The following BRWD3 variants were observed in gnomAD, a reference collection of about 807,000 sequenced individuals.
BRWD3 encodes bromodomain and WD repeat domain containing 3.
A neutral mutation model predicts 149.7 loss-of-function variants in BRWD3; 10 were observed. The ratio of observed to expected loss-of-function variants is 0.07; its 90% confidence interval spans 0.04 to 0.11. The LOEUF is 0.11. BRWD3 is among the 10% of genes least tolerant of loss of function. The probability of loss-of-function intolerance (pLI) is 1.00; values close to 1 mark genes in which losing one functional copy is unlikely to be tolerated. For missense variants in BRWD3, 940 were observed against 1,373.2 expected (o/e 0.68, Z 4.99); for synonymous variants, 504 against 456.7 (o/e 1.10, Z -1.32).
intron 8 of BRWD3, among the ~76,000 whole-genome samples, chrX:80,740,788 G>A (rs1245113381): frequency 1.8e-5 from 2 of 111,188 alleles, no homozygotes; most frequent in African/African-American, 6.5e-5. Flanking sequence ...CTGAAACTAA[G>A]AATAAAAATG....
intron 6 of BRWD3, among the ~76,000 whole-genome samples, chrX:80,761,288 G>T (rs1165921463): frequency 8.9e-6 from 1 of 111,745 alleles, no homozygotes; most frequent in Non-Finnish European, 1.9e-5. Context: ...TCAGTAATAA[G>T]AAATAAAAGG....
At chrX:80,772,523 G>A (rs139550242) in intron 6 of BRWD3, among the ~76,000 whole-genome samples, 3,947 of 110,460 alleles carry the variant, frequency 0.036, 84 homozygotes, top group Non-Finnish European at 0.059. Flanking sequence ...TGTAAATGAC[G>A]AGTTTATGGG....
In BRWD3 at chrX:80,716,087, C is replaced by T. The variant is rs935324248; in HGVS notation, c.2325+70G>A. 38 of 887,336 alleles carry T rather than the reference C, an allele frequency of 4.3e-5. No individual in the cohort carries two copies. In the South Asian group the frequency reaches 5.8e-4, roughly 14 times the overall value. The allele number at this position is 887,336 out of a possible 1,213,427, so 73.1% of individuals were successfully genotyped here. ...TAGTCTCTTAACACACAACTGCTGC[C>T]TCTCAAAAGCCTATTATCTACAAAT... is the stretch of plus-strand genomic sequence containing the variant. On this transcript the variant is annotated intron_variant, in intron 20 of 40. Coordinates refer to ENST00000373275, the MANE Select transcript of BRWD3 (RefSeq NM_153252.5).
chrX:80,741,397 T>C (rs1452732302), intron 8 of BRWD3, among the ~76,000 whole-genome samples: 2 of 111,792 alleles, frequency 1.8e-5, no homozygotes. Flanking sequence ...TAGAGCAGCA[T>C]GATTTATAAT....
intron 6 of BRWD3, among the ~76,000 whole-genome samples, chrX:80,790,319 C>T (rs2074167383): frequency 9.1e-6 from 1 of 110,461 alleles, no homozygotes; most frequent in Non-Finnish European, 1.9e-5. Context: ...GAGAAAACTG[C>T]CTCAAATCAC....
chrX:80,722,867 C>T, intron 16 of BRWD3, 80 bp from the exon 17 acceptor site: 2 of 882,907 alleles, frequency 2.3e-6, no homozygotes, highest in Non-Finnish European at 3.3e-6. Flanking sequence ...TGAGCACACT[C>T]ATTTTTTAAA....
intron 6 of BRWD3, among the ~76,000 whole-genome samples, chrX:80,763,070 C>T (rs1239943644): frequency 1.8e-5 from 2 of 111,537 alleles, no homozygotes; most frequent in Non-Finnish European, 3.8e-5. Context: ...TTTTTTAAAT[C>T]CCCTTTTAAA....
intron 6 of BRWD3, among the ~76,000 whole-genome samples, chrX:80,773,192 AC>A (rs919243689): frequency 3.6e-5 from 4 of 111,597 alleles, no homozygotes; most frequent in Non-Finnish European, 5.6e-5. Context: ...CTAAAAGTGT[AC>A]AGAACTTAGC....
intron 26 of BRWD3, 97 bp downstream of exon 26, chrX:80,696,642 T>A: frequency 1.0e-6 from 1 of 969,969 alleles, no homozygotes; most frequent in Non-Finnish European, 1.5e-6. Context: ...TAAAGAATGC[T>A]ATAGTGTTTT....
intron 6 of BRWD3, among the ~76,000 whole-genome samples, chrX:80,768,338 G>C (rs375161842): frequency 1.8e-5 from 2 of 111,182 alleles, no homozygotes; most frequent in Non-Finnish European, 3.8e-5. Context: ...GAGAAAGGTC[G>C]AGTTACCCAC....
intron 19 of BRWD3, 43 bp downstream of exon 19, chrX:80,717,530 T>C: frequency 8.8e-7 from 1 of 1,136,039 alleles, no homozygotes. Context: ...TTCCTAAGAA[T>C]AAAGCTTTAA....
At chrX:80,773,112 A>G (rs181441639) in intron 6 of BRWD3, among the ~76,000 whole-genome samples, 1 of 112,400 alleles carries the variant, frequency 8.9e-6, no homozygotes, top group Admixed American at 9.5e-5. Flanking sequence ...TGGTTATAAA[A>G]GAGTAACATG....
chrX:80,799,615 G>A (rs1390103376), intron 4 of BRWD3, among the ~76,000 whole-genome samples: 1 of 111,833 alleles, frequency 8.9e-6, no homozygotes, highest in Admixed American at 9.6e-5. Context: ...AAACAAAATG[G>A]ATTTTGAAAA....
At chrX:80,726,386 CAT>C (rs749953464) in intron 14 of BRWD3, among the ~76,000 whole-genome samples, 1 of 109,034 alleles carries the variant, frequency 9.2e-6, no homozygotes, top group South Asian at 3.9e-4. Context: ...ATCTGTATAA[CAT>C]AACATGTTTA....
chrX:80,783,624 A>G (rs951773933), intron 6 of BRWD3, among the ~76,000 whole-genome samples: 1 of 111,140 alleles, frequency 9.0e-6, no homozygotes, highest in Non-Finnish European at 1.9e-5. Context: ...CTGCACTCCC[A>G]TGTCTATTGC....
intron 6 of BRWD3, among the ~76,000 whole-genome samples, chrX:80,771,009 C>T (rs1392058069): frequency 1.8e-5 from 2 of 111,384 alleles, no homozygotes; most frequent in East Asian, 2.8e-4. Flanking sequence ...ACAATTGCTA[C>T]AAAGAGAATA....
chrX:80,799,246 A>G (rs1341760667), intron 4 of BRWD3, among the ~76,000 whole-genome samples: 1 of 112,010 alleles, frequency 8.9e-6, no homozygotes, highest in Non-Finnish European at 1.9e-5. Flanking sequence ...TAATTAGTTA[A>G]AAGAAATCCA....
Position 80,681,468 on chromosome X carries a change from A to G in BRWD3, c.4527T>C (p.Tyr1509=). The change falls in exon 40 of 41, where the codon TAT becomes TAC. Residue 1509 remains tyrosine, a synonymous_variant. Coordinates refer to ENST00000373275, the MANE Select transcript of BRWD3 (RefSeq NM_153252.5). The stretch of plus-strand genomic sequence containing the variant: ...GCCCATCTGGCTCATCATCAAGTAG[A>G]TATAGTGAAAGCCCTTCAGCAGCAT... ...VSDAAEGLSL[Y]LLDDEPDGPF... 8.3e-7 allele frequency: 1 copy of G among 1,208,224 alleles called. No homozygotes were observed. Among genetic ancestry groups the G allele is most frequent in the East Asian group, 3.0e-5 (1 of 33,792 alleles).
chrX:80,801,812 C>T, intron 4 of BRWD3, among the ~76,000 whole-genome samples: 1 of 110,349 alleles, frequency 9.1e-6, no homozygotes, highest in African/African-American at 3.3e-5. Flanking sequence ...CAGCCTGGGT[C>T]ACAGAGCAAA....
Sources: allele counts gnomAD v4.1 joint callset (sites outside exome capture counted in the v4.1 genomes callset), GRCh38; gene constraint gnomAD v4.1.1; transcripts MANE v1.5; gene names NCBI Gene and HGNC (gene_info 2026-07-23, HGNC 2026-07-21).